The following MSH4 variants were observed in gnomAD, a reference collection of about 807,000 sequenced individuals.
MSH4 encodes the protein mutS homolog 4.
MSH4 carries 106 observed loss-of-function variants against 113.7 expected under a neutral mutation model. The observed-to-expected ratio is 0.93, with a 90% CI of 0.80 to 1.10. MSH4 has a LOEUF of 1.10. MSH4 is among the 50% of genes least tolerant of loss of function. The pLI is 0.00. For synonymous variants in MSH4, 368 were observed against 380.2 expected (o/e 0.97, Z 0.37); for missense variants, 1,061 against 1,093.7 (o/e 0.97, Z 0.42).
In MSH4 at chr1:75,848,268, C is replaced by A; in HGVS notation, c.1222C>A (p.Gln408Lys). 1 of 1,597,864 alleles carries A rather than the reference C, an allele frequency of 6.3e-7. No homozygotes were observed. Among genetic ancestry groups the A allele is most frequent in the Non-Finnish European group, 8.6e-7 (1 of 1,166,466 alleles). Residue 408 changes from glutamine to lysine, a missense_variant, in exon 8 of 20, where the codon CAA (glutamine) becomes AAA (lysine). Coordinates refer to ENST00000263187, the MANE Select transcript of MSH4 (RefSeq NM_002440.4). ...LLSVLVQIPK[Q>K]DTVNAAESKI... ...TTCTGTTTTAGTCCAAATTCCAAAGCAAGACACGGTATGTTTTTGTATACA... is the reference window on the plus strand; with the variant it reads ...TTCTGTTTTAGTCCAAATTCCAAAGAAAGACACGGTATGTTTTTGTATACA...
In MSH4 at chr1:75,822,405, A is replaced by G; in HGVS notation, c.990-4A>G. The G allele has an allele frequency of 6.5e-7, 1 of 1,532,726 alleles. No individual in the cohort carries two copies. Among genetic ancestry groups the G allele is most frequent in the Non-Finnish European group, 8.7e-7 (1 of 1,147,512 alleles). The allele number at this position is 1,532,726 out of a possible 1,614,324, so 94.9% of individuals were successfully genotyped here. On this transcript the variant is annotated splice_region_variant and splice_polypyrimidine_tract_variant and intron_variant, in intron 6 of 19. Coordinates refer to ENST00000263187, the MANE Select transcript of MSH4 (RefSeq NM_002440.4). ...TCTTACTGACATTTCTTGTGTTTTG[A>G]AAGGAATAATCACACTCTCTTTGGT...
chr1:75,893,697 G>T (rs1652310397), intron 17 of MSH4, among the ~76,000 whole-genome samples: 1 of 152,180 alleles, frequency 6.6e-6, no homozygotes, highest in Non-Finnish European at 1.5e-5. Flanking sequence ...CACTCTGAAA[G>T]AACTACTTGA....
At chr1:75,877,023 T>C in intron 10 of MSH4, 23 bp downstream of exon 10, 1 of 1,446,484 alleles carries the variant, frequency 6.9e-7, no homozygotes, top group East Asian at 2.4e-5. Flanking sequence ...CAACCGTTAA[T>C]AAAAAATAAG....
At chr1:75,886,837 TATTATA>T (rs1557525386) in intron 15 of MSH4, among the ~76,000 whole-genome samples, 6 of 17,964 alleles carry the variant, frequency 3.3e-4, no homozygotes, top group African/African-American at 4.6e-4. Context: ...TATATATATA[TATTATA>T]TATATATATA....
At chr1:75,823,224 T>C (rs1008695506) in intron 7 of MSH4, among the ~76,000 whole-genome samples, 1 of 152,260 alleles carries the variant, frequency 6.6e-6, no homozygotes, top group Non-Finnish European at 1.5e-5. Flanking sequence ...AAGACACTAG[T>C]CGTATTGTAT....
intron 10 of MSH4, 146 bp downstream of exon 10, chr1:75,877,146 A>G (rs555347762): frequency 2.3e-6 from 1 of 437,014 alleles, no homozygotes; most frequent in Non-Finnish European, 4.1e-6. Context: ...CAAAATTCTA[A>G]TTGTACATTT....
intron 7 of MSH4, among the ~76,000 whole-genome samples, chr1:75,825,836 C>T (rs1650537918): frequency 6.6e-6 from 1 of 152,106 alleles, no homozygotes; most frequent in African/African-American, 2.4e-5. Context: ...GGTGGATAAG[C>T]TTTTTGATGT....
At chr1:75,809,987 C>CA (rs1650153509) in intron 3 of MSH4, among the ~76,000 whole-genome samples, 1 of 151,938 alleles carries the variant, frequency 6.6e-6, no homozygotes, top group South Asian at 2.1e-4. Flanking sequence ...ACATTTTTCA[C>CA]AGAGTATTTG....
At chr1:75,818,413 C>T (rs1308754936) in intron 6 of MSH4, among the ~76,000 whole-genome samples, 1 of 152,142 alleles carries the variant, frequency 6.6e-6, no homozygotes, top group Non-Finnish European at 1.5e-5. Context: ...ATGCTACTTA[C>T]TTGGAAATCT....
intron 9 of MSH4, among the ~76,000 whole-genome samples, chr1:75,871,835 G>C (rs1336773823): frequency 6.6e-6 from 1 of 152,166 alleles, no homozygotes; most frequent in Non-Finnish European, 1.5e-5. Context: ...TATAAGTAGA[G>C]TAGAACTGCA....
chr1:75,906,829 C>CTT (rs746640168), intron 19 of MSH4, among the ~76,000 whole-genome samples: 3 of 139,704 alleles, frequency 2.1e-5, no homozygotes, highest in East Asian at 4.2e-4. Flanking sequence ...ATAAACGTGT[C>CTT]TTTTTTTTTT....
rs948905557 is a variant in MSH4, at chr1:75,879,241, TCTC to T, written c.1677+116_1677+118del. 250 of 894,794 alleles carry T rather than the reference TCTC, an allele frequency of 2.8e-4. 1 individual carries two copies. In the Middle Eastern group the frequency reaches 4.6e-3, roughly 17 times the overall value. 55.4% of individuals were successfully genotyped at this position (894,794 alleles called of 1,614,324 possible). A position where few individuals can be genotyped will look rare whatever the true frequency, so the allele number is the denominator to read the frequency against. Reference sequence around the variant, plus strand: ...CCAAATTTCTGAATGTTCTGTATCTTCTCCTATTCCTACCCACCCACCTAACTA... The same window carrying T: ...CCAAATTTCTGAATGTTCTGTATCTTCTATTCCTACCCACCCACCTAACTA... On this transcript the variant is annotated intron_variant, in intron 12 of 19. Coordinates refer to ENST00000263187, the MANE Select transcript of MSH4 (RefSeq NM_002440.4).
intron 1 of MSH4, among the ~76,000 whole-genome samples, chr1:75,797,766 C>G (rs980551190): frequency 1.8e-4 from 27 of 152,178 alleles, no homozygotes; most frequent in African/African-American, 6.3e-4. Flanking sequence ...CCTCCCACCC[C>G]CATCCCCTAT....
intron 15 of MSH4, among the ~76,000 whole-genome samples, chr1:75,884,682 A>T (rs1652021126): frequency 6.6e-6 from 1 of 151,948 alleles, no homozygotes; most frequent in African/African-American, 2.4e-5. Context: ...CCAAGATACT[A>T]GTAGTGTCAT....
intron 9 of MSH4, among the ~76,000 whole-genome samples, chr1:75,868,313 TC>T (rs2100561974): frequency 6.6e-6 from 1 of 152,320 alleles, no homozygotes; most frequent in Admixed American, 6.5e-5. Flanking sequence ...AAGTTATTAA[TC>T]TATGGAGAGT....
chr1:75,833,698 T>A (rs1457774649), intron 7 of MSH4, among the ~76,000 whole-genome samples: 1 of 152,206 alleles, frequency 6.6e-6, no homozygotes. Context: ...ATTCCCTATT[T>A]AATAAATGGT....
At chr1:75,806,684 C>A (rs927782204) in intron 2 of MSH4, among the ~76,000 whole-genome samples, 2 of 152,124 alleles carry the variant, frequency 1.3e-5, no homozygotes, top group Admixed American at 1.3e-4. Context: ...CACCTGTACC[C>A]TCCACAAGCC....
rs936775940 is a variant in MSH4 at position 75,798,168 on chromosome 1, C to T, written c.244+939C>T. Among the ~76,000 whole-genome samples, 5 of 152,146 alleles carry T rather than the reference C, an allele frequency of 3.3e-5. No individual in the cohort carries two copies. The East Asian group carries it at 7.7e-4, about 23-fold the overall frequency. On this transcript the variant is annotated intron_variant, in intron 1 of 19. Transcript: ENST00000263187. ...TTAGAAACAGAGTCTCGCTATGCTG[C>T]CCATGCTGGTCTCAAACTCCTGGTC...
chr1:75,840,666 A>C (rs953745364), intron 7 of MSH4, among the ~76,000 whole-genome samples: 1 of 144,824 alleles, frequency 6.9e-6, no homozygotes, highest in Non-Finnish European at 1.5e-5. Flanking sequence ...CTTAAAGTAT[A>C]ATAATAATAA....
Sources: gnomAD v4.1 joint callset for allele counts (sites outside exome capture counted in the v4.1 genomes callset) on GRCh38, gnomAD v4.1.1 for gene constraint, MANE v1.5 for transcripts, NCBI Gene and HGNC (gene_info 2026-07-23, HGNC 2026-07-21) for gene names.